NUP160: variants seen among roughly 807,000 people sequenced by gnomAD.
NUP160 encodes the protein nuclear pore complex protein Nup160.
Under a neutral mutation model 196.9 loss-of-function variants are expected in NUP160, and 94 were observed. The observed-to-expected ratio is 0.48, with a 90% CI of 0.40 to 0.57. The LOEUF (loss-of-function observed/expected upper bound fraction) is 0.57, where lower values mean the gene tolerates loss of function less well. NUP160 is among the 20% of genes least tolerant of loss of function. The pLI, the probability that NUP160 is intolerant of heterozygous loss-of-function variation, is 0.00. For synonymous variants in NUP160, 605 were observed against 619.7 expected (o/e 0.98, Z 0.35); for missense variants, 1,638 against 1,748.3 (o/e 0.94, Z 1.13).
chr11:47,835,148 A>T (rs530578172), intron 7 of NUP160, among the ~76,000 whole-genome samples: 1 of 152,334 alleles, frequency 6.6e-6, no homozygotes, highest in Non-Finnish European at 1.5e-5. Flanking sequence ...CATATAGCAT[A>T]TGAGCCCAGA....
At chr11:47,801,323 T>A (rs1025892707) in intron 23 of NUP160, among the ~76,000 whole-genome samples, 2 of 152,132 alleles carry the variant, frequency 1.3e-5, no homozygotes, top group Non-Finnish European at 2.9e-5. Context: ...TGGGAAAAAA[T>A]TTTAACTTAA....
chr11:47,816,771 G>A (rs2097684719), intron 11 of NUP160, among the ~76,000 whole-genome samples: 1 of 75,018 alleles, frequency 1.3e-5, no homozygotes, highest in Non-Finnish European at 2.7e-5. Flanking sequence ...GCGAGACCCT[G>A]CCTCAAAGGG....
intron 2 of NUP160, among the ~76,000 whole-genome samples, chr11:47,846,014 T>A (rs565308978): frequency 4.3e-4 from 65 of 152,042 alleles, no homozygotes; most frequent in African/African-American, 1.5e-3. Context: ...TGCATACTTG[T>A]AATTCCAGCT....
At chr11:47,848,424 G>A in exon 1 of NUP160, 1 of 1,553,310 alleles carries the variant, frequency 6.4e-7, no homozygotes, top group Non-Finnish European at 8.7e-7. Flanking sequence ...GAAGCATTCC[G>A]GGAGCAGAAA....
At chr11:47,779,036 G>GAA in exon 36 of NUP160, 1 of 1,109,834 alleles carries the variant, frequency 9.0e-7, no homozygotes, top group Non-Finnish European at 1.4e-6. Flanking sequence ...TTGAGTACAG[G>GAA]GTTCCTGTAG....
chr11:47,782,947 C>T (rs112912565), intron 34 of NUP160, 126 bp downstream of exon 34: 11,399 of 823,746 alleles, frequency 0.014, 104 homozygotes, highest in Non-Finnish European at 0.018. Context: ...GCATGAGTCA[C>T]TGTGCCCGGC....
chr11:47,836,770 C>G, intron 6 of NUP160, 117 bp downstream of exon 6: 1 of 616,836 alleles, frequency 1.6e-6, no homozygotes, highest in Non-Finnish European at 2.9e-6. Context: ...CTGGCAGTGA[C>G]CAATAAGTTC....
At chr11:47,815,648 A>C in exon 13 of NUP160, 1 of 1,578,824 alleles carries the variant, frequency 6.3e-7, no homozygotes, top group Non-Finnish European at 8.6e-7. Context: ...ACTTCCTTGA[A>C]GCTGGCAAAG....
chr11:47,779,458 G>A lies in NUP160; in HGVS notation c.4222-264C>T, dbSNP rs56855787. The stretch of plus-strand genomic sequence containing the variant: ...AATCGTACCAGTATTTCTAATAAAA[G>A]GATCACTAACTCTTTTCTCAGAACC... On this transcript the variant is annotated intron_variant, in intron 35 of 35. Transcript: ENST00000378460. The A allele has an allele frequency of 8.4e-3, 4,056 of 485,048 alleles. 156 individuals carry two copies. Among genetic ancestry groups the A allele is most frequent in the African/African-American group, 0.073 (3,728 of 51,052 alleles). The allele number at this position is 485,048 out of a possible 1,614,324, so 30.0% of individuals were successfully genotyped here. A position where few individuals can be genotyped will look rare whatever the true frequency, so the allele number is the denominator to read the frequency against.
intron 21 of NUP160, 45 bp downstream of exon 21, chr11:47,804,504 T>A (rs2097676307): frequency 1.5e-6 from 2 of 1,303,120 alleles, no homozygotes; most frequent in African/African-American, 3.1e-5. Flanking sequence ...AGCAATCCCA[T>A]GCTTTACAAG....
chr11:47,786,618 C>T, intron 31 of NUP160, 64 bp from the exon 32 acceptor site: 2 of 982,628 alleles, frequency 2.0e-6, no homozygotes, highest in Admixed American at 1.8e-5. Flanking sequence ...TAATTTGATA[C>T]TAAAACTAGA....
At chr11:47,791,768 C>T (rs1165697771) in intron 29 of NUP160, among the ~76,000 whole-genome samples, 162 bp downstream of exon 29, 1 of 152,094 alleles carries the variant, frequency 6.6e-6, no homozygotes, top group Non-Finnish European at 1.5e-5. Context: ...TAGGTGCCTG[C>T]AGTTAAAACT....
At chr11:47,837,671 A>C in intron 4 of NUP160, 48 bp from the exon 5 acceptor site, 1 of 1,414,338 alleles carries the variant, frequency 7.1e-7, no homozygotes, top group South Asian at 1.2e-5. Context: ...GAGAAACCCA[A>C]AGGCAAGAAT....
At chr11:47,804,216 C>T (rs909913979) in intron 21 of NUP160, 6 of 190,606 alleles carry the variant, frequency 3.1e-5, no homozygotes, top group Non-Finnish European at 4.2e-5. Context: ...GAAAAAATCA[C>T]GTTAGGAATT....
chr11:47,812,808 A>G (rs375989815), intron 15 of NUP160, 74 bp downstream of exon 15: 10 of 1,284,712 alleles, frequency 7.8e-6, no homozygotes, highest in East Asian at 4.6e-5. Flanking sequence ...TGGAACATAC[A>G]TTAAAATTCC....
exon 36 of NUP160, chr11:47,778,636 C>G (rs1338892226): frequency 6.5e-6 from 1 of 152,898 alleles, no homozygotes; most frequent in African/African-American, 2.4e-5. Context: ...AAATTATTAG[C>G]TTTTGTGTAC....
At chr11:47,792,155 AAG>A (rs1489211391) in intron 28 of NUP160, 165 bp from the exon 29 acceptor site, 3 of 558,886 alleles carry the variant, frequency 5.4e-6, no homozygotes, top group Non-Finnish European at 9.6e-6. Context: ...GAGACAAAGA[AAG>A]AAGTTCTTTG....
intron 6 of NUP160, 140 bp from the exon 7 acceptor site, chr11:47,835,949 C>A (rs1224541787): frequency 1.5e-6 from 1 of 687,902 alleles, no homozygotes; most frequent in Non-Finnish European, 2.3e-6. Flanking sequence ...GTTTTTGTTT[C>A]AAAAGGGCTA....
At chr11:47,823,005 T>C (rs1183980064) in intron 7 of NUP160, among the ~76,000 whole-genome samples, 1 of 152,230 alleles carries the variant, frequency 6.6e-6, no homozygotes, top group African/African-American at 2.4e-5. Context: ...GTCTTTGCGA[T>C]TGTGAATAGT....
Sources: gnomAD v4.1 joint callset for allele counts (sites outside exome capture counted in the v4.1 genomes callset) on GRCh38, gnomAD v4.1.1 for gene constraint, MANE v1.5 for transcripts, NCBI Gene and HGNC (gene_info 2026-07-23, HGNC 2026-07-21) for gene names.